Variants in PIEZO2 observed in about 807,000 individuals in gnomAD.
The protein encoded by PIEZO2 is piezo-type mechanosensitive ion channel component 2.
A neutral mutation model predicts 337.3 loss-of-function variants in PIEZO2; 172 were observed. The observed-to-expected ratio is 0.51, with a 90% CI of 0.45 to 0.58. PIEZO2 has a LOEUF of 0.58. Among genes scored for constraint, PIEZO2 ranks in the 20% least tolerant of loss-of-function variants. PIEZO2 has a pLI of 0.00. For synonymous variants in PIEZO2, 1,251 were observed against 1,228.5 expected, an observed-to-expected ratio of 1.02 and a Z score of -0.38; for missense variants, 3,028 against 3,391.3, an observed-to-expected ratio of 0.89 and a Z score of 2.66.
intron 17 of PIEZO2, among the ~76,000 whole-genome samples, chr18:10,782,399 A>AATTATAATATATTATAATTATATATAAAT (rs1568051400): frequency 2.2e-5 from 2 of 89,370 alleles, no homozygotes; most frequent in African/African-American, 7.9e-5. Context: ...ATATATAAAT[A>AATTATAATATATTATAATTATATATAAAT]ATTATATAAT....
intron 5 of PIEZO2, among the ~76,000 whole-genome samples, chr18:10,857,483 C>T (rs991220872): frequency 2.6e-5 from 4 of 151,184 alleles, no homozygotes; most frequent in Non-Finnish European, 5.9e-5. Context: ...TTTTAATAAG[C>T]AAAGAAGAAA....
At chr18:11,137,204 T>G (rs1354346218) in intron 1 of PIEZO2, among the ~76,000 whole-genome samples, 3 of 152,148 alleles carry the variant, frequency 2.0e-5, no homozygotes, top group Admixed American at 1.3e-4. Flanking sequence ...TCAACTGTTT[T>G]GTAAAATCCT....
In PIEZO2 at chr18:10,748,201, G is replaced by A. The variant is rs906724962; in HGVS notation, c.4424+270C>T. Among the ~76,000 whole-genome samples, 4 of 152,158 alleles carry A rather than the reference G, an allele frequency of 2.6e-5. No homozygotes were observed. The highest frequency in any genetic ancestry group is 9.7e-5 in the African/African-American group (4 of 41,434). ...CAGACTGAGCCACTTCTAGAGAAGTGGTGGATTCTGCAAGGGCTTCAATTG... is the reference window on the plus strand; with the variant it reads ...CAGACTGAGCCACTTCTAGAGAAGTAGTGGATTCTGCAAGGGCTTCAATTG... On this transcript the variant is annotated intron_variant, in intron 30 of 55. Coordinates refer to ENST00000674853, the MANE Select transcript of PIEZO2 (RefSeq NM_001378183.1). The surrounding 1 kb of genome is among the most constrained non-coding windows in gnomAD (Gnocchi z 5.1).
chr18:10,945,741 A>G lies in PIEZO2; in HGVS notation c.286+33794T>C, dbSNP rs894081471. ...TTCCCAGAACTGCCAAAGGTGTTCAAATTGGAAGGCAAGAAAATAAAAAGT... is the reference window on the plus strand; with the variant it reads ...TTCCCAGAACTGCCAAAGGTGTTCAGATTGGAAGGCAAGAAAATAAAAAGT... On this transcript the variant is annotated intron_variant, in intron 3 of 55. Transcript: ENST00000674853. This position sits in a 1 kb window ranked among gnomAD's most constrained non-coding sequence, Gnocchi z 4.0. Among the ~76,000 whole-genome samples the G allele has an allele frequency of 6.6e-6, 1 of 152,232 alleles. No individual in the cohort carries two copies. The highest frequency in any genetic ancestry group is 2.4e-5 in the African/African-American group (1 of 41,470).
intron 2 of PIEZO2, among the ~76,000 whole-genome samples, chr18:11,024,396 A>G (rs1254118236): frequency 6.6e-6 from 1 of 151,836 alleles, no homozygotes; most frequent in Non-Finnish European, 1.5e-5. Context: ...AATACAAAAA[A>G]TTAGCCGGGC....
At chr18:10,792,623 C>T (rs1918683) in intron 13 of PIEZO2, among the ~76,000 whole-genome samples, 120,084 of 152,196 alleles carry the variant, frequency 0.79, 47,418 homozygotes, top group East Asian at 0.93. Flanking sequence ...CCCTTTTAAA[C>T]ACCCAATAAT....
intron 2 of PIEZO2, among the ~76,000 whole-genome samples, chr18:11,005,328 AC>A (rs2035680407): frequency 6.6e-6 from 1 of 152,114 alleles, no homozygotes; most frequent in South Asian, 2.1e-4. Flanking sequence ...ACCATGCTAC[AC>A]TTCATTCTCT....
Position 10,813,413 on chromosome 18 carries a change from TCTC to T in PIEZO2, c.918-6142_918-6140del, listed in dbSNP as rs2040260252. On this transcript the variant is annotated intron_variant, in intron 7 of 55. Transcript: ENST00000674853. The surrounding 1 kb of genome is among the most constrained non-coding windows in gnomAD (Gnocchi z 4.2). Reference sequence around the variant, plus strand: ...ATTAAATAAAAACTCCCTATTCCCTTCTCCTCCCAGGCCCTGGAAACCACCATT... The same window carrying T: ...ATTAAATAAAAACTCCCTATTCCCTTCTCCCAGGCCCTGGAAACCACCATT... 6.6e-6 allele frequency among the ~76,000 whole-genome samples: 1 copy of T among 152,148 alleles called. No homozygotes were observed. The highest frequency in any genetic ancestry group is 2.4e-5 in the African/African-American group (1 of 41,420).
chr18:10,754,335 G>A (rs555030401), intron 27 of PIEZO2, among the ~76,000 whole-genome samples: 6 of 152,362 alleles, frequency 3.9e-5, no homozygotes, highest in African/African-American at 1.4e-4. Context: ...AGGGTGCTGC[G>A]GAGCTGACCC....
chr18:10,736,569 C>T, intron 34 of PIEZO2, 35 bp downstream of exon 34: 2 of 1,536,030 alleles, frequency 1.3e-6, no homozygotes, highest in Non-Finnish European at 1.7e-6. Context: ...AAAAGCTCTT[C>T]CAACTAGCAA....
In PIEZO2 at chr18:10,759,984, C is replaced by G; in HGVS notation, c.3451-75G>C. ...AGGGGACTGGTGATAGGTGTCAGGT[C>G]TGTGTAGATGGCGGAGACCCATGTC... On this transcript the variant is annotated intron_variant, in intron 24 of 55. Coordinates refer to ENST00000674853, the MANE Select transcript of PIEZO2 (RefSeq NM_001378183.1). The surrounding 1 kb of genome is among the most constrained non-coding windows in gnomAD (Gnocchi z 5.5). 7.5e-7 allele frequency: 1 copy of G among 1,339,100 alleles called. No individual in the cohort carries two copies. Among genetic ancestry groups the G allele is most frequent in the South Asian group, 1.3e-5 (1 of 77,468 alleles). 83.0% of individuals were successfully genotyped at this position (1,339,100 alleles called of 1,614,324 possible).
intron 49 of PIEZO2, among the ~76,000 whole-genome samples, chr18:10,689,416 T>C (rs539602961): frequency 6.6e-6 from 1 of 152,138 alleles, no homozygotes; most frequent in Non-Finnish European, 1.5e-5. Flanking sequence ...TACCGTTTTT[T>C]AAAAATAACT....
intron 7 of PIEZO2, among the ~76,000 whole-genome samples, chr18:10,827,310 G>A (rs954521231): frequency 4.6e-5 from 7 of 151,780 alleles, no homozygotes; most frequent in African/African-American, 1.5e-4. Context: ...TGCCACCTTT[G>A]TTTTCTTTCT....
At chr18:10,808,601 C>T (rs1427987735) in intron 7 of PIEZO2, among the ~76,000 whole-genome samples, 1 of 152,086 alleles carries the variant, frequency 6.6e-6, no homozygotes. Context: ...TCATTTTTAT[C>T]AGAAATAAAT....
chr18:10,742,436 A>G, intron 32 of PIEZO2, 58 bp downstream of exon 32: 1 of 1,515,284 alleles, frequency 6.6e-7, no homozygotes, highest in East Asian at 2.5e-5. Context: ...AGCCCTGCTC[A>G]ATATCATGCT....
chr18:11,118,687 G>T (rs2039952575), intron 1 of PIEZO2, among the ~76,000 whole-genome samples: 1 of 152,066 alleles, frequency 6.6e-6, no homozygotes, highest in African/African-American at 2.4e-5. Context: ...TGGGAATATT[G>T]TTTCACAATG....
At chr18:10,731,640 G>T in intron 35 of PIEZO2, 119 bp from the exon 36 acceptor site, 2 of 529,420 alleles carry the variant, frequency 3.8e-6, no homozygotes, top group Non-Finnish European at 6.0e-6. Flanking sequence ...TAAACATCCC[G>T]GGCTATTTTT....
rs1329134978 is a variant in PIEZO2, at chr18:10,899,434, T to A, written c.329+11752A>T. On this transcript the variant is annotated intron_variant, in intron 4 of 55. Transcript: ENST00000674853. The surrounding 1 kb of genome is among the most constrained non-coding windows in gnomAD (Gnocchi z 4.6). Reference sequence around the variant, plus strand: ...TATGAAATCCACCTAATAAAAGCTGTCATTTTAATTGAGCAGTAATGTCTT... The same window carrying A: ...TATGAAATCCACCTAATAAAAGCTGACATTTTAATTGAGCAGTAATGTCTT... Among the ~76,000 whole-genome samples, 2 of 152,204 alleles carry A rather than the reference T, an allele frequency of 1.3e-5. No homozygotes were observed. Among genetic ancestry groups the A allele is most frequent in the Non-Finnish European group, 1.5e-5 (1 of 68,032 alleles).
In PIEZO2 at chr18:10,819,008, A is replaced by C. The variant is rs142386135; in HGVS notation, c.918-11734T>G. Among the ~76,000 whole-genome samples the C allele has an allele frequency of 6.6e-6, 1 of 152,208 alleles. No individual in the cohort carries two copies. Among genetic ancestry groups the C allele is most frequent in the Non-Finnish European group, 1.5e-5 (1 of 68,040 alleles). On this transcript the variant is annotated intron_variant, in intron 7 of 55. Coordinates refer to ENST00000674853, the MANE Select transcript of PIEZO2 (RefSeq NM_001378183.1). This position sits in a 1 kb window ranked among gnomAD's most constrained non-coding sequence, Gnocchi z 4.3. ...TTTTTTATCTATATTGTTAGTGGCT[A>C]ATAATTTTTTGTTACACTTTAAACA...
Sources: gnomAD v4.1 joint callset for allele counts (sites outside exome capture counted in the v4.1 genomes callset) on GRCh38, gnomAD v4.1.1 for gene constraint, Gnocchi (gnomAD v3.1) non-coding constraint, MANE v1.5 for transcripts, NCBI Gene and HGNC (gene_info 2026-07-23, HGNC 2026-07-21) for gene names.